Variants in KCNMA1 observed in about 807,000 individuals in gnomAD.
The protein encoded by KCNMA1 is Calcium-activated potassium channel subunit alpha-1.
Under a neutral mutation model 140.0 loss-of-function variants are expected in KCNMA1, and 29 were observed. The ratio of observed to expected loss-of-function variants is 0.21; its 90% CI spans 0.15 to 0.28. The LOEUF is 0.28. Ranked by LOEUF, KCNMA1 falls within the 10% of genes least tolerant of loss-of-function variation. The probability of loss-of-function intolerance (pLI) is 1.00; values close to 1 mark genes in which losing one functional copy is unlikely to be tolerated. For missense variants in KCNMA1, 880 were observed against 1,602.2 expected (o/e 0.55, Z 7.70); for synonymous variants, 612 against 611.9 (o/e 1.00, Z 0.00).
intron 18 of KCNMA1, among the ~76,000 whole-genome samples, chr10:77,010,567 G>T (rs1349943801): frequency 6.6e-6 from 1 of 152,086 alleles, no homozygotes; most frequent in Admixed American, 6.6e-5. Context: ...AGTGGAAACA[G>T]GGGGAGGAAA....
At chr10:77,116,209 T>C (rs932086074) in intron 6 of KCNMA1, among the ~76,000 whole-genome samples, 6 of 152,198 alleles carry the variant, frequency 3.9e-5, no homozygotes, top group Admixed American at 3.9e-4. Flanking sequence ...ATCATTCTCA[T>C]GTTGCCTATA....
chr10:76,924,882 G>A (rs79807922), intron 23 of KCNMA1, among the ~76,000 whole-genome samples: 2,745 of 152,196 alleles, frequency 0.018, 84 homozygotes, highest in African/African-American at 0.063. Flanking sequence ...TGCACATAGG[G>A]GAAGGGAGGA....
chr10:77,134,664 A>C (rs2097944503), intron 5 of KCNMA1, among the ~76,000 whole-genome samples: 1 of 152,156 alleles, frequency 6.6e-6, no homozygotes, highest in African/African-American at 2.4e-5. Context: ...AGAGGATTAC[A>C]TCAAACTAAA....
At chr10:77,361,667 G>A (rs2093958951) in intron 2 of KCNMA1, among the ~76,000 whole-genome samples, 1 of 152,262 alleles carries the variant, frequency 6.6e-6, no homozygotes, top group African/African-American at 2.4e-5. Flanking sequence ...AGGAGCAAGA[G>A]GGGATCCATA....
chr10:77,407,053 T>C (rs1019859777), intron 1 of KCNMA1, among the ~76,000 whole-genome samples: 4 of 152,152 alleles, frequency 2.6e-5, no homozygotes, highest in Admixed American at 2.0e-4. Flanking sequence ...TTACCTATTG[T>C]TTTACAAGGC....
At chr10:77,241,419 G>C (rs1220519957) in intron 3 of KCNMA1, among the ~76,000 whole-genome samples, 1 of 152,174 alleles carries the variant, frequency 6.6e-6, no homozygotes, top group African/African-American at 2.4e-5. Context: ...TGAGGTGGGA[G>C]GACTGCTAGA....
chr10:77,393,982 C>A (rs2095938752), intron 2 of KCNMA1, among the ~76,000 whole-genome samples: 1 of 152,222 alleles, frequency 6.6e-6, no homozygotes, highest in South Asian at 2.1e-4. Context: ...CTGTGCTACG[C>A]TCAGTTCTGT....
intron 3 of KCNMA1, among the ~76,000 whole-genome samples, chr10:77,248,336 C>T (rs2059011304): frequency 6.6e-6 from 1 of 152,136 alleles, no homozygotes; most frequent in Non-Finnish European, 1.5e-5. Context: ...CAAACTTGTG[C>T]TACAGGATAG....
chr10:77,441,315 C>T (rs1370919511), intron 1 of KCNMA1, among the ~76,000 whole-genome samples: 1 of 152,104 alleles, frequency 6.6e-6, no homozygotes, highest in Non-Finnish European at 1.5e-5. Context: ...GCTGATGACA[C>T]ACTGGATACA....
chr10:77,410,679 T>C (rs748076008), intron 1 of KCNMA1, among the ~76,000 whole-genome samples: 25 of 152,360 alleles, frequency 1.6e-4, no homozygotes, highest in Non-Finnish European at 2.9e-4. Flanking sequence ...CTCGTGCCTG[T>C]CATCCTGCGA....
Position 77,332,784 on chromosome 10 carries a change from G to A in KCNMA1, c.540+71078C>T, listed in dbSNP as rs561704110. 9.2e-5 allele frequency among the ~76,000 whole-genome samples: 14 copies of A among 152,312 alleles called. No individual in the cohort carries two copies. The East Asian group carries it at 1.9e-3, about 21-fold the overall frequency. Reference sequence around the variant, plus strand: ...AAAAACAGAACCACAGAAGTACACAGCTCTCAGATGAAAGCCACTTAATCA... The same window carrying A: ...AAAAACAGAACCACAGAAGTACACAACTCTCAGATGAAAGCCACTTAATCA... On this transcript the variant is annotated intron_variant, in intron 2 of 27. Coordinates refer to ENST00000286628, the MANE Select transcript of KCNMA1 (RefSeq NM_001161352.2).
chr10:77,246,356 A>T (rs2058544532), intron 3 of KCNMA1, among the ~76,000 whole-genome samples: 1 of 152,226 alleles, frequency 6.6e-6, no homozygotes, highest in African/African-American at 2.4e-5. Flanking sequence ...ATGAGGTTGC[A>T]TGTGCTATTT....
intron 5 of KCNMA1, among the ~76,000 whole-genome samples, chr10:77,180,382 G>A (rs1465341273): frequency 6.6e-6 from 1 of 152,108 alleles, no homozygotes; most frequent in East Asian, 1.9e-4. Context: ...AAATATTATT[G>A]TACTGAATTC....
At chr10:77,213,511 T>C (rs890362151) in intron 3 of KCNMA1, among the ~76,000 whole-genome samples, 1 of 152,154 alleles carries the variant, frequency 6.6e-6, no homozygotes, top group African/African-American at 2.4e-5. Context: ...AGTTTTAAGT[T>C]TGAAACTGTA....
intron 12 of KCNMA1, among the ~76,000 whole-genome samples, chr10:77,080,947 G>A (rs572262930): frequency 1.3e-5 from 2 of 152,302 alleles, no homozygotes; most frequent in Admixed American, 1.3e-4. Flanking sequence ...GCCTTCCATA[G>A]CTAATAGAGA....
At chr10:77,446,687 T>C (rs2097535401) in intron 1 of KCNMA1, among the ~76,000 whole-genome samples, 1 of 152,206 alleles carries the variant, frequency 6.6e-6, no homozygotes, top group African/African-American at 2.4e-5. Flanking sequence ...CATCCCTAAG[T>C]TGACCTGACT....
intron 1 of KCNMA1, among the ~76,000 whole-genome samples, chr10:77,491,546 A>G (rs1376046838): frequency 6.6e-6 from 1 of 152,210 alleles, no homozygotes; most frequent in Non-Finnish European, 1.5e-5. Context: ...CAACAGGGCA[A>G]TGTAGGGCAG....
chr10:77,127,469 C>A (rs1206136715), intron 5 of KCNMA1, among the ~76,000 whole-genome samples: 1 of 152,152 alleles, frequency 6.6e-6, no homozygotes, highest in Non-Finnish European at 1.5e-5. Flanking sequence ...ACTTGTGATA[C>A]ATCTTACCAA....
At chr10:76,924,315 C>T (rs1205210553) in intron 23 of KCNMA1, among the ~76,000 whole-genome samples, 2 of 152,216 alleles carry the variant, frequency 1.3e-5, no homozygotes, top group African/African-American at 4.8e-5. Flanking sequence ...CCACAGGTAA[C>T]ATACTGACAT....
Sources: allele counts gnomAD v4.1 joint callset (sites outside exome capture counted in the v4.1 genomes callset), GRCh38; gene constraint gnomAD v4.1.1; transcripts MANE v1.5; gene names NCBI Gene and HGNC (gene_info 2026-07-23, HGNC 2026-07-21).